The following NCKAP1 variants were observed in gnomAD, a reference collection of about 807,000 sequenced individuals.
NCKAP1 encodes the protein NCK associated protein 1, also known as nck-associated protein 1.
NCKAP1 carries 21 observed loss-of-function variants against 151.2 expected under a neutral mutation model. The observed-to-expected ratio is 0.14, with a 90% CI of 0.10 to 0.20. NCKAP1 has a LOEUF of 0.20. Among genes scored for constraint, NCKAP1 ranks in the 10% least tolerant of loss-of-function variants. The probability of loss-of-function intolerance (pLI) is 1.00; values close to 1 mark genes in which losing one functional copy is unlikely to be tolerated. For missense variants in NCKAP1, 933 were observed against 1,352.1 expected, an observed-to-expected ratio of 0.69 and a Z score of 4.86; for synonymous variants, 484 against 451.8, an observed-to-expected ratio of 1.07 and a Z score of -0.90.
chr2:182,984,453 G>A (rs1698009422), intron 10 of NCKAP1, among the ~76,000 whole-genome samples: 1 of 130,032 alleles, frequency 7.7e-6, no homozygotes, highest in Non-Finnish European at 1.8e-5. Flanking sequence ...TGTGTGTGTT[G>A]CCTATGCCAA....
intron 10 of NCKAP1, among the ~76,000 whole-genome samples, chr2:182,985,910 G>T (rs1698047870): frequency 6.6e-6 from 1 of 152,064 alleles, no homozygotes; most frequent in South Asian, 2.1e-4. Flanking sequence ...GTGGCAGTGA[G>T]ATTATACCCA....
intron 26 of NCKAP1, among the ~76,000 whole-genome samples, chr2:182,932,269 A>G (rs1696780669): frequency 6.6e-6 from 1 of 151,986 alleles, no homozygotes. Flanking sequence ...TACCCATACA[A>G]TGAAACATTA....
At chr2:182,970,707 T>C (rs1299003343) in intron 15 of NCKAP1, among the ~76,000 whole-genome samples, 6 of 152,172 alleles carry the variant, frequency 3.9e-5, no homozygotes, top group African/African-American at 1.4e-4. Context: ...TTTGGAACAA[T>C]ACAAGGATGC....
intron 23 of NCKAP1, among the ~76,000 whole-genome samples, chr2:182,946,456 G>A (rs1201897323): frequency 6.6e-6 from 1 of 151,908 alleles, no homozygotes; most frequent in Non-Finnish European, 1.5e-5. Flanking sequence ...AGGGTGGGAG[G>A]AGGTTAAGGG....
intron 30 of NCKAP1, among the ~76,000 whole-genome samples, chr2:182,926,095 T>C (rs1433315927): frequency 1.3e-5 from 2 of 152,036 alleles, no homozygotes; most frequent in Non-Finnish European, 2.9e-5. Context: ...TTTTCCTCAC[T>C]GATATACTAG....
intron 2 of NCKAP1, among the ~76,000 whole-genome samples, chr2:183,014,069 TG>T (rs959882210): frequency 3.3e-5 from 5 of 152,212 alleles, no homozygotes; most frequent in Non-Finnish European, 7.3e-5. Context: ...ACTCTTTACC[TG>T]GTATTATATT....
intron 19 of NCKAP1, 77 bp downstream of exon 19, chr2:182,957,380 A>C (rs1389210603): frequency 2.2e-6 from 3 of 1,350,740 alleles, no homozygotes; most frequent in Non-Finnish European, 9.9e-7. Flanking sequence ...GCATTTCCTC[A>C]GTACTAATGT....
intron 1 of NCKAP1, chr2:183,024,961 T>C (rs1169295428): frequency 1.2e-6 from 2 of 1,611,938 alleles, no homozygotes; most frequent in African/African-American, 2.7e-5. Context: ...AGAGGGAAGG[T>C]GAAAAGCTTT....
chr2:182,955,396 TC>T (rs1697303799), intron 20 of NCKAP1, among the ~76,000 whole-genome samples: 2 of 152,146 alleles, frequency 1.3e-5, no homozygotes, highest in South Asian at 4.1e-4. Flanking sequence ...ATAAAAATTT[TC>T]ATGAATAAAT....
At chr2:182,974,905 G>C (rs1204193667) in intron 15 of NCKAP1, among the ~76,000 whole-genome samples, 1 of 152,010 alleles carries the variant, frequency 6.6e-6, no homozygotes, top group Non-Finnish European at 1.5e-5. Context: ...GAATAATCAG[G>C]TCTACATTCT....
intron 18 of NCKAP1, among the ~76,000 whole-genome samples, chr2:182,960,263 C>T (rs575318505): frequency 1.1e-4 from 17 of 152,098 alleles, no homozygotes; most frequent in African/African-American, 2.9e-4. Context: ...AAAAAGAGCC[C>T]GCATTGCCAA....
intron 21 of NCKAP1, 82 bp downstream of exon 21, chr2:182,953,031 A>ATT: frequency 6.8e-7 from 1 of 1,477,496 alleles, no homozygotes; most frequent in Non-Finnish European, 9.1e-7. Flanking sequence ...ATGAATAAGT[A>ATT]CTTATTCACA....
At chr2:183,036,325 T>C (rs141101361) in intron 1 of NCKAP1, among the ~76,000 whole-genome samples, 6 of 152,300 alleles carry the variant, frequency 3.9e-5, no homozygotes, top group Admixed American at 3.9e-4. Flanking sequence ...TCTCACTTCC[T>C]CTTTTAGAAA....
chr2:183,018,429 T>A (rs996223959), intron 2 of NCKAP1, among the ~76,000 whole-genome samples: 1 of 152,148 alleles, frequency 6.6e-6, no homozygotes, highest in Non-Finnish European at 1.5e-5. Flanking sequence ...AATGCCCTCT[T>A]AAAGACAAGT....
intron 6 of NCKAP1, among the ~76,000 whole-genome samples, chr2:183,001,196 T>C (rs916824761): frequency 2.6e-5 from 4 of 152,220 alleles, no homozygotes; most frequent in Admixed American, 1.3e-4. Flanking sequence ...GCTTCAGTTC[T>C]AGTTTTGCCA....
intron 24 of NCKAP1, among the ~76,000 whole-genome samples, chr2:182,939,226 G>A (rs10931052): frequency 0.67 from 102,391 of 151,980 alleles, 37,768 homozygotes; most frequent in East Asian, 0.96. Context: ...AAGTCACATA[G>A]AAGTCTTAAA....
chr2:182,954,072 A>G (rs1459998470), intron 20 of NCKAP1, among the ~76,000 whole-genome samples: 6 of 152,258 alleles, frequency 3.9e-5, no homozygotes, highest in South Asian at 2.1e-4. Flanking sequence ...ACTTATCACT[A>G]TATCTCCCAG....
intron 10 of NCKAP1, among the ~76,000 whole-genome samples, chr2:182,984,423 G>GGGTGTGTGT (rs984252600): frequency 3.5e-5 from 5 of 144,282 alleles, no homozygotes; most frequent in Non-Finnish European, 6.2e-5. Context: ...TTTAGATTGG[G>GGGTGTGTGT]GTGTGTGTGT....
intron 2 of NCKAP1, among the ~76,000 whole-genome samples, chr2:183,005,717 C>G (rs1346512403): frequency 6.6e-6 from 1 of 152,134 alleles, no homozygotes; most frequent in Non-Finnish European, 1.5e-5. Context: ...CCCTAACTTA[C>G]TTTTCCAATC....
Sources: gnomAD v4.1 joint callset for allele counts (sites outside exome capture counted in the v4.1 genomes callset) on GRCh38, gnomAD v4.1.1 for gene constraint, MANE v1.5 for transcripts, NCBI Gene and HGNC (gene_info 2026-07-23, HGNC 2026-07-21) for gene names.